The following DENND4C variants were observed in gnomAD, a reference collection of about 807,000 sequenced individuals.
DENND4C encodes DENN domain-containing protein 4C.
Under a neutral mutation model 203.0 loss-of-function variants are expected in DENND4C, and 108 were observed. The ratio of observed to expected loss-of-function variants is 0.53; its 90% CI spans 0.46 to 0.62. The LOEUF (loss-of-function observed/expected upper bound fraction) is 0.62, where lower values mean the gene tolerates loss of function less well. Among genes scored for constraint, DENND4C ranks in the 20% least tolerant of loss-of-function variants. DENND4C has a pLI of 0.00. For missense variants in DENND4C, 2,481 were observed against 2,301.2 expected, an observed-to-expected ratio of 1.08 and a Z score of -1.60; for synonymous variants, 871 against 792.4, an observed-to-expected ratio of 1.10 and a Z score of -1.67.
At chr9:19,289,845 A>AAG (rs34957975) in intron 4 of DENND4C, among the ~76,000 whole-genome samples, 2 of 150,776 alleles carry the variant, frequency 1.3e-5, no homozygotes, top group Non-Finnish European at 3.0e-5. Context: ...AAAAAAAAAA[A>AAG]GTGATACTGT....
chr9:19,289,311 GAA>G (rs1835810288), intron 4 of DENND4C, among the ~76,000 whole-genome samples: 1 of 152,096 alleles, frequency 6.6e-6, no homozygotes, highest in South Asian at 2.1e-4. Flanking sequence ...GTTGTAAATA[GAA>G]AAGATACTGG....
intron 1 of DENND4C, among the ~76,000 whole-genome samples, chr9:19,265,760 A>T (rs1352732940): frequency 6.6e-6 from 1 of 152,228 alleles, no homozygotes; most frequent in African/African-American, 2.4e-5. Flanking sequence ...AGCTTCATCC[A>T]TGTCACTACA....
At chr9:19,345,786 C>G (rs1192991018) in intron 22 of DENND4C, 135 bp from the exon 23 acceptor site, 1 of 829,190 alleles carries the variant, frequency 1.2e-6, no homozygotes, top group African/African-American at 1.8e-5. Flanking sequence ...TTTATACTTT[C>G]TTTATGGCCT....
At chr9:19,360,216 A>G (rs1177495025) in intron 28 of DENND4C, 28 bp from the exon 29 acceptor site, 6 of 1,601,688 alleles carry the variant, frequency 3.7e-6, no homozygotes, top group Non-Finnish European at 5.1e-6. Context: ...AACAGATAAT[A>G]TTAATTTCTT....
intron 17 of DENND4C, 21 bp downstream of exon 17, chr9:19,332,205 T>G (rs371752655): frequency 6.2e-7 from 1 of 1,606,492 alleles, no homozygotes. Context: ...CAAATTGACA[T>G]TGTTTCTAAG....
chr9:19,337,503 T>A, intron 20 of DENND4C: 7 of 581,550 alleles, frequency 1.2e-5, no homozygotes, highest in Non-Finnish European at 1.6e-5. Flanking sequence ...TCTCAATGAC[T>A]GAAGTTTCCT....
At chr9:19,294,584 C>T (rs942378335) in intron 5 of DENND4C, among the ~76,000 whole-genome samples, 13 of 152,070 alleles carry the variant, frequency 8.5e-5, no homozygotes, top group African/African-American at 3.1e-4. Flanking sequence ...TACTTGTACG[C>T]CAATGTTTGT....
At chr9:19,303,124 C>T (rs1838936779) in intron 9 of DENND4C, among the ~76,000 whole-genome samples, 1 of 151,856 alleles carries the variant, frequency 6.6e-6, no homozygotes, top group Non-Finnish European at 1.5e-5. Flanking sequence ...TTGCAGAATA[C>T]ATGCTGGTTG....
chr9:19,310,366 G>GAT (rs1840503885), intron 10 of DENND4C, among the ~76,000 whole-genome samples: 1 of 152,164 alleles, frequency 6.6e-6, no homozygotes, highest in Non-Finnish European at 1.5e-5. Context: ...TATGATTATT[G>GAT]ATATACAACA....
In DENND4C at chr9:19,342,706, T is replaced by G; in HGVS notation, c.3078T>G (p.Pro1026=). The G allele has an allele frequency of 6.2e-7, 1 of 1,613,710 alleles. No individual in the cohort carries two copies. Residue 1026 remains proline, a synonymous_variant, in exon 22 of 33, where the codon CCT becomes CCG. Coordinates refer to ENST00000434457, the MANE Select transcript of DENND4C (RefSeq NM_001330640.2). ...PSPEPHSPTE[P]PAWGSSIVKV... ...CAGAGCCTCACAGTCCTACTGAACC[T>G]CCTGCATGGGGCAGCAGTATTGTGA...
At position 19,296,074 on chromosome 9, in the gene DENND4C, A is replaced by G. The variant is rs1164318220; in HGVS notation, c.868A>G (p.Met290Val). ...GGAACTTCTATCAGAGAAACAGCTT[A>G]TGCACCTGGGCTTGTTGACGCCTGT... is the stretch of plus-strand genomic sequence containing the variant. The part of the protein sequence containing the change: ...SRELLSEKQL[M>V]HLGLLTPVER... Residue 290 changes from methionine to valine, a missense_variant, in exon 6 of 33, where the codon ATG becomes GTG. By Grantham distance (21) the Met-to-Val change is conservative. Around this residue, in one of 3 missense-constraint regions of DENND4C, gnomAD observed 2,289 missense variants for 2,113.3 expected, o/e 1.08. Transcript: ENST00000434457. 1.2e-6 allele frequency: 2 copies of G among 1,614,134 alleles called. No homozygotes were observed. The highest frequency in any genetic ancestry group is 2.2e-5 in the South Asian group (2 of 91,080).
chr9:19,351,706 C>T (rs1312911265), intron 24 of DENND4C, among the ~76,000 whole-genome samples: 3 of 150,790 alleles, frequency 2.0e-5, no homozygotes, highest in African/African-American at 4.9e-5. Context: ...ACCTGGGAGG[C>T]GGAGGCAGGA....
chr9:19,266,226 A>T (rs918112830), intron 1 of DENND4C, among the ~76,000 whole-genome samples: 6 of 152,070 alleles, frequency 3.9e-5, no homozygotes, highest in African/African-American at 1.4e-4. Flanking sequence ...GCATTTTTTC[A>T]TGTGTCTGTT....
chr9:19,315,521 ATGTATATATGTATGTGTATATATATACG>A (rs1563794500), intron 10 of DENND4C, among the ~76,000 whole-genome samples: 3 of 150,974 alleles, frequency 2.0e-5, no homozygotes, highest in Non-Finnish European at 4.4e-5. Flanking sequence ...ATGTATATAC[ATGTATATATGTATGTGTATATATATACG>A]TGTATATATG....
intron 17 of DENND4C, 46 bp from the exon 18 acceptor site, chr9:19,334,927 CAGAT>C (rs1563814522): frequency 2.0e-6 from 3 of 1,467,214 alleles, no homozygotes; most frequent in Non-Finnish European, 2.7e-6. Context: ...CTACAATTCA[CAGAT>C]AGATTAGTAT....
chr9:19,270,904 T>G (rs1309020569), intron 1 of DENND4C, among the ~76,000 whole-genome samples: 2 of 152,224 alleles, frequency 1.3e-5, no homozygotes, highest in Non-Finnish European at 2.9e-5. Context: ...GAGATCAATA[T>G]GTAAAAATCA....
rs555111977 is a variant in DENND4C at position 19,230,816 on chromosome 9, C to G, written c.-35C>G. The G allele has an allele frequency of 6.6e-6, 1 of 152,618 alleles. No individual in the cohort carries two copies. Among genetic ancestry groups the G allele is most frequent in the East Asian group, 1.9e-4 (1 of 5,190 alleles). 9.5% of individuals were successfully genotyped at this position (152,618 alleles called of 1,614,324 possible). ...AGAAGCCGTGTCGGGGCTGCGCTGACAGAGGAGCAGGCAGCAGGTGAGGCT... is the reference window on the plus strand; with the variant it reads ...AGAAGCCGTGTCGGGGCTGCGCTGAGAGAGGAGCAGGCAGCAGGTGAGGCT... On this transcript the variant is annotated 5_prime_UTR_variant, in exon 1 of 33. Coordinates refer to ENST00000434457, the MANE Select transcript of DENND4C (RefSeq NM_001330640.2).
intron 1 of DENND4C, among the ~76,000 whole-genome samples, chr9:19,262,185 C>G (rs572972350): frequency 7.4e-5 from 10 of 135,606 alleles, no homozygotes; most frequent in Middle Eastern, 4.8e-3. Context: ...CTCCTGAGTT[C>G]AGGGGATTCT....
At chr9:19,253,570 G>A (rs985154227) in intron 1 of DENND4C, among the ~76,000 whole-genome samples, 2 of 152,174 alleles carry the variant, frequency 1.3e-5, no homozygotes, top group Non-Finnish European at 2.9e-5. Context: ...GTAGCAAATA[G>A]CTTTGATAAA....
Sources: gnomAD v4.1 joint callset for allele counts (sites outside exome capture counted in the v4.1 genomes callset) on GRCh38, gnomAD v4.1.1 for gene constraint, gnomAD v4.1.1 regional missense constraint, MANE v1.5 for transcripts, NCBI Gene and HGNC (gene_info 2026-07-23, HGNC 2026-07-21) for gene names.